SHCBP1L: variants seen among roughly 807,000 people sequenced by gnomAD.
The protein encoded by SHCBP1L is SHC binding and spindle associated 1 like, also known as testicular spindle-associated protein SHCBP1L.
In SHCBP1L, 67 loss-of-function variants were observed where a neutral mutation model predicts 62.5. The observed-to-expected ratio is 1.07, with a 90% confidence interval of 0.88 to 1.31. The LOEUF (loss-of-function observed/expected upper bound fraction) is 1.31, where lower values mean the gene tolerates loss of function less well. Ranked by LOEUF, SHCBP1L falls within the 40% of genes most tolerant of loss-of-function variation. SHCBP1L has a pLI of 0.00. For missense variants in SHCBP1L, 823 were observed against 809.8 expected (o/e 1.02, Z -0.20); for synonymous variants, 284 against 289.4 (o/e 0.98, Z 0.19).
chr1:182,933,716 T>A (rs1651080447), intron 5 of SHCBP1L, among the ~76,000 whole-genome samples: 1 of 152,206 alleles, frequency 6.6e-6, no homozygotes, highest in African/African-American at 2.4e-5. Context: ...GATCTTTTTA[T>A]ATGTTGCTGG....
At chr1:182,920,459 C>A (rs760193648) in intron 6 of SHCBP1L, among the ~76,000 whole-genome samples, 4 of 152,142 alleles carry the variant, frequency 2.6e-5, no homozygotes, top group Non-Finnish European at 5.9e-5. Flanking sequence ...GGAACATCGG[C>A]CCAAGCAGAT....
intron 6 of SHCBP1L, among the ~76,000 whole-genome samples, chr1:182,905,968 T>C (rs1649999459): frequency 6.6e-6 from 1 of 152,190 alleles, no homozygotes; most frequent in South Asian, 2.1e-4. Flanking sequence ...GGAGTTTCGC[T>C]CTGTCGCCCA....
At chr1:182,934,807 T>G (rs1355913594) in intron 5 of SHCBP1L, among the ~76,000 whole-genome samples, 1 of 152,156 alleles carries the variant, frequency 6.6e-6, no homozygotes, top group Non-Finnish European at 1.5e-5. Context: ...GAGTTTTATG[T>G]TTAGGTTTAT....
intron 5 of SHCBP1L, among the ~76,000 whole-genome samples, chr1:182,935,306 A>G (rs988016505): frequency 1.4e-4 from 21 of 152,188 alleles, no homozygotes; most frequent in African/African-American, 5.1e-4. Context: ...CTTCCAATCC[A>G]AGAACATAAG....
chr1:182,941,186 C>T (rs368943154), intron 2 of SHCBP1L, among the ~76,000 whole-genome samples: 54 of 109,284 alleles, frequency 4.9e-4, no homozygotes, highest in African/African-American at 1.8e-3. Context: ...CAAACAAAAG[C>T]ATGTTAAAAA....
chr1:182,931,629 AT>A (rs1650997869), intron 5 of SHCBP1L, among the ~76,000 whole-genome samples: 1 of 152,046 alleles, frequency 6.6e-6, no homozygotes, highest in Non-Finnish European at 1.5e-5. Flanking sequence ...GCAGTTTCAG[AT>A]TTTCAGCAAA....
At chr1:182,939,104 C>T (rs1465324506) in intron 5 of SHCBP1L, 72 bp downstream of exon 5, 1 of 1,229,732 alleles carries the variant, frequency 8.1e-7, no homozygotes, top group Non-Finnish European at 1.1e-6. Context: ...ACATATACCA[C>T]AAATTAAGTG....
chr1:182,927,236 A>G (rs961223755), intron 6 of SHCBP1L, among the ~76,000 whole-genome samples: 1 of 151,588 alleles, frequency 6.6e-6, no homozygotes, highest in African/African-American at 2.4e-5. Flanking sequence ...GTATCTAACT[A>G]CAAAGTCCAT....
intron 6 of SHCBP1L, among the ~76,000 whole-genome samples, chr1:182,907,542 A>G (rs1320926371): frequency 6.6e-6 from 1 of 151,124 alleles, no homozygotes; most frequent in African/African-American, 2.4e-5. Context: ...TGGCATTATC[A>G]TGCATATATC....
intron 5 of SHCBP1L, among the ~76,000 whole-genome samples, chr1:182,932,600 T>C (rs1651042941): frequency 6.6e-6 from 1 of 152,006 alleles, no homozygotes; most frequent in African/African-American, 2.4e-5. Context: ...GTTCAAGCAA[T>C]TCTCCTGCCT....
At chr1:182,935,964 TCTG>T (rs2101947833) in intron 5 of SHCBP1L, among the ~76,000 whole-genome samples, 1 of 152,266 alleles carries the variant, frequency 6.6e-6, no homozygotes, top group South Asian at 2.1e-4. Flanking sequence ...TTTCATAATC[TCTG>T]CTTTTTTATT....
In SHCBP1L at chr1:182,940,392, A is replaced by C. The variant is rs1651318580; in HGVS notation, c.707T>G (p.Val236Gly). 1 of 1,614,014 alleles carries C rather than the reference A, an allele frequency of 6.2e-7. No individual in the cohort carries two copies. Among genetic ancestry groups the C allele is most frequent in the South Asian group, 1.1e-5 (1 of 91,086 alleles). The change falls in exon 3 of 10, where the codon GTG becomes GGG. Residue 236 changes from valine to glycine, a missense_variant. By Grantham distance (109) the Val-to-Gly change is moderately radical. Coordinates refer to ENST00000367547, the MANE Select transcript of SHCBP1L (RefSeq NM_030933.4). ...ELEHSVPLLEVYPVEGQDTDI... is the reference protein window; with the variant it reads ...ELEHSVPLLEGYPVEGQDTDI... The stretch of plus-strand genomic sequence containing the variant: ...AGTATCTTGTCCCTCAACAGGATAC[A>C]CTTCCAAAAGAGGCACACTGTGTTC...
At chr1:182,913,254 T>C (rs111685934) in intron 6 of SHCBP1L, among the ~76,000 whole-genome samples, 12,326 of 152,192 alleles carry the variant, frequency 0.081, 1,338 homozygotes, top group African/African-American at 0.25. Context: ...CAACTTGAAG[T>C]CAGTCAGTCA....
At chr1:182,944,132 A>ATAAATAAATAAATAAC (rs1292468050) in intron 2 of SHCBP1L, among the ~76,000 whole-genome samples, 15 of 148,530 alleles carry the variant, frequency 1.0e-4, no homozygotes, top group African/African-American at 3.7e-4. Flanking sequence ...AAATAAATAA[A>ATAAATAAATAAATAAC]TAAATAAATA....
At chr1:182,905,396 T>G (rs1649979104) in intron 7 of SHCBP1L, 100 bp downstream of exon 7, 1 of 1,212,908 alleles carries the variant, frequency 8.2e-7, no homozygotes, top group African/African-American at 1.6e-5. Context: ...AAACATAAAT[T>G]CTATTGTAAT....
chr1:182,927,176 G>A (rs1305264902), intron 6 of SHCBP1L, among the ~76,000 whole-genome samples: 1 of 147,564 alleles, frequency 6.8e-6, no homozygotes, highest in Non-Finnish European at 1.5e-5. Context: ...GAGGTTATGC[G>A]CTTTGCCTAA....
chr1:182,938,144 G>C (rs1372405585), intron 5 of SHCBP1L, among the ~76,000 whole-genome samples: 1 of 152,092 alleles, frequency 6.6e-6, no homozygotes, highest in Non-Finnish European at 1.5e-5. Flanking sequence ...TTTCGCTCTT[G>C]TTGCCCAGGC....
chr1:182,923,313 T>C (rs567342196), intron 6 of SHCBP1L, among the ~76,000 whole-genome samples: 3 of 151,714 alleles, frequency 2.0e-5, no homozygotes, highest in Non-Finnish European at 4.4e-5. Flanking sequence ...CGTATAAGAG[T>C]TGCTACCAAT....
chr1:182,930,400 T>G (rs554508662), intron 5 of SHCBP1L, among the ~76,000 whole-genome samples: 1 of 151,440 alleles, frequency 6.6e-6, no homozygotes, highest in Non-Finnish European at 1.5e-5. Context: ...TCAGTATAAC[T>G]GTTGGCTTTT....
Sources: allele counts gnomAD v4.1 joint callset (sites outside exome capture counted in the v4.1 genomes callset), GRCh38; gene constraint gnomAD v4.1.1; transcripts MANE v1.5; gene names NCBI Gene and HGNC (gene_info 2026-07-23, HGNC 2026-07-21).